The following PFKFB3 variants were observed in gnomAD, a reference collection of about 807,000 sequenced individuals.
The protein encoded by PFKFB3 is 6-phosphofructo-2-kinase/fructose-2,6-bisphosphatase 3.
A neutral mutation model predicts 68.0 loss-of-function variants in PFKFB3; 33 were observed. That is an observed-to-expected ratio of 0.49 (90% confidence interval 0.37 to 0.65). The LOEUF (loss-of-function observed/expected upper bound fraction) is 0.65. PFKFB3 is among the 30% of genes least tolerant of loss of function. PFKFB3 has a pLI of 0.00. For synonymous variants in PFKFB3, 315 were observed against 288.2 expected (o/e 1.09, Z -0.94); for missense variants, 586 against 712.2 (o/e 0.82, Z 2.02).
chr10:6,160,924 A>T (rs1841949669), intron 1 of PFKFB3, among the ~76,000 whole-genome samples: 2 of 151,868 alleles, frequency 1.3e-5, no homozygotes, highest in Non-Finnish European at 2.9e-5. Flanking sequence ...CTTTTTTTAA[A>T]TTTTTTTAAT....
Position 6,232,971 on chromosome 10 carries a change from C to T in PFKFB3, c.*29C>T. The T allele has an allele frequency of 6.3e-7, 1 of 1,586,186 alleles. No homozygotes were observed. The highest frequency in any genetic ancestry group is 8.7e-7 in the Non-Finnish European group (1 of 1,154,820). ...AGACGTGTCGGTTCCATTCCATTTC[C>T]ATTTCTGCAGCTTAGCTTGTGTCCT... On this transcript the variant is annotated 3_prime_UTR_variant, in exon 15 of 15. Coordinates refer to ENST00000379775, the MANE Select transcript of PFKFB3 (RefSeq NM_004566.4).
the PFKFB3 span, among the ~76,000 whole-genome samples, chr10:6,300,893 A>G: frequency 0.036 from 5,484 of 152,264 alleles, 144 homozygotes; most frequent in Middle Eastern, 0.15. Context: ...GTAATTACGC[A>G]GGATTTGAAA....
chr10:6,210,512 C>T (rs1276393939), intron 1 of PFKFB3, among the ~76,000 whole-genome samples: 1 of 114,894 alleles, frequency 8.7e-6, no homozygotes, highest in African/African-American at 2.7e-5. Flanking sequence ...AGGCGCCCGC[C>T]AACATGGCCG....
intron 1 of PFKFB3, among the ~76,000 whole-genome samples, chr10:6,181,480 A>G (rs1564602754): frequency 6.6e-6 from 1 of 152,240 alleles, no homozygotes; most frequent in Non-Finnish European, 1.5e-5. Context: ...TACAACATAC[A>G]TCAGCCCTGA....
chr10:6,257,510 A>C (rs1846504033), downstream of PFKFB3, among the ~76,000 whole-genome samples: 1 of 152,196 alleles, frequency 6.6e-6, no homozygotes, highest in Non-Finnish European at 1.5e-5. Flanking sequence ...GGGACTTGTA[A>C]GAGTGGCCAG....
At chr10:6,259,416 A>G (rs541185015), downstream of PFKFB3, among the ~76,000 whole-genome samples, 45 of 151,126 alleles carry the variant, frequency 3.0e-4, no homozygotes, top group Non-Finnish European at 5.5e-4. Flanking sequence ...CCACCCATCC[A>G]TCTACTCATC....
intron 14 of PFKFB3, among the ~76,000 whole-genome samples, chr10:6,248,345 T>A (rs10752255): frequency 0.6 from 91,970 of 152,064 alleles, 33,407 homozygotes; most frequent in Non-Finnish European, 0.82. Flanking sequence ...ATAATCTGAT[T>A]AAAAAATGTT....
At chr10:6,172,446 A>G (rs536957521) in intron 1 of PFKFB3, among the ~76,000 whole-genome samples, 174 of 152,310 alleles carry the variant, frequency 1.1e-3, no homozygotes, top group African/African-American at 4.0e-3. Flanking sequence ...GTGTGAGCAA[A>G]CGTTCAGAAA....
downstream of PFKFB3, among the ~76,000 whole-genome samples, chr10:6,255,945 C>T (rs183449498): frequency 1.8e-4 from 27 of 152,274 alleles, no homozygotes; most frequent in East Asian, 4.8e-3. Context: ...CTCCTGGGCT[C>T]GCCGTGGTTC....
At chr10:6,303,850 G>C in the PFKFB3 span, among the ~76,000 whole-genome samples, 1 of 151,622 alleles carries the variant, frequency 6.6e-6, no homozygotes, top group Non-Finnish European at 1.5e-5. Context: ...AAAAATAAGT[G>C]TTGATAGTGA....
intron 1 of PFKFB3, among the ~76,000 whole-genome samples, chr10:6,209,709 C>T (rs1451514864): frequency 6.6e-6 from 1 of 151,656 alleles, no homozygotes; most frequent in East Asian, 1.9e-4. Context: ...AGGTGGTCTG[C>T]CCTCCTCTGC....
At chr10:6,249,326 G>A (rs1449420781) in intron 14 of PFKFB3, among the ~76,000 whole-genome samples, 2 of 151,838 alleles carry the variant, frequency 1.3e-5, no homozygotes, top group Non-Finnish European at 2.9e-5. Context: ...ATATGATCTA[G>A]CAATCTCACT....
intron 14 of PFKFB3, among the ~76,000 whole-genome samples, chr10:6,251,728 T>A (rs1247216177): frequency 1.3e-5 from 2 of 152,150 alleles, no homozygotes; most frequent in Non-Finnish European, 2.9e-5. Flanking sequence ...CCCAGCATTT[T>A]GGGAGGCCGA....
At chr10:6,324,061 G>A in the PFKFB3 span, among the ~76,000 whole-genome samples, 1 of 152,160 alleles carries the variant, frequency 6.6e-6, no homozygotes, top group African/African-American at 2.4e-5. Context: ...AAACAACCCA[G>A]TGTCCATGGA....
intron 14 of PFKFB3, among the ~76,000 whole-genome samples, chr10:6,250,781 C>T (rs928906631): frequency 2.0e-5 from 3 of 152,146 alleles, no homozygotes; most frequent in African/African-American, 7.2e-5. Context: ...GCCTCCAGAA[C>T]TGTGAGAAAA....
intron 5 of PFKFB3, among the ~76,000 whole-genome samples, 160 bp from the exon 6 acceptor site, chr10:6,216,975 T>C (rs1844628291): frequency 6.6e-6 from 1 of 152,126 alleles, no homozygotes; most frequent in African/African-American, 2.4e-5. Flanking sequence ...TTGGGGGCCA[T>C]GGGGCGTTCC....
chr10:6,164,672 G>A (rs867788451), intron 1 of PFKFB3, among the ~76,000 whole-genome samples: 2 of 152,066 alleles, frequency 1.3e-5, no homozygotes, highest in East Asian at 3.8e-4. Flanking sequence ...TTACTATCTT[G>A]GCGAGGGGAG....
chr10:6,257,992 A>G (rs767287033), downstream of PFKFB3, among the ~76,000 whole-genome samples: 1 of 152,112 alleles, frequency 6.6e-6, no homozygotes, highest in Non-Finnish European at 1.5e-5. Context: ...ACCTAAAGCA[A>G]AAGCTCACCT....
intron 1 of PFKFB3, among the ~76,000 whole-genome samples, chr10:6,205,315 T>G (rs905041042): frequency 2.6e-5 from 4 of 152,074 alleles, no homozygotes; most frequent in Admixed American, 6.5e-5. Context: ...GTGTTTCTAT[T>G]TGGTATCTTT....
Sources: gnomAD v4.1 joint callset for allele counts (sites outside exome capture counted in the v4.1 genomes callset) on GRCh38, gnomAD v4.1.1 for gene constraint, MANE v1.5 for transcripts, NCBI Gene and HGNC (gene_info 2026-07-23, HGNC 2026-07-21) for gene names.